FBN3: variants seen among roughly 807,000 people sequenced by gnomAD.
The protein encoded by FBN3 is fibrillin-3.
Under a neutral mutation model 330.1 loss-of-function variants are expected in FBN3, and 234 were observed. The ratio of observed to expected loss-of-function variants is 0.71; its 90% CI spans 0.64 to 0.79. FBN3 has a LOEUF of 0.79. FBN3 is among the 30% of genes least tolerant of loss of function. The pLI is 0.00. For missense variants in FBN3, 3,606 were observed against 3,886.9 expected, an observed-to-expected ratio of 0.93 and a Z score of 1.92; for synonymous variants, 1,458 against 1,517.3, an observed-to-expected ratio of 0.96 and a Z score of 0.91.
At chr19:8,135,936 G>GCTC in intron 13 of FBN3, 25 bp downstream of exon 13, 2 of 668,778 alleles carry the variant, frequency 3.0e-6, no homozygotes, top group Non-Finnish European at 4.8e-6. Flanking sequence ...GGAAGCCCCT[G>GCTC]CCCACCCGCC....
intron 47 of FBN3, 106 bp from the exon 48 acceptor site, chr19:8,091,696 G>GCT: frequency 5.5e-6 from 7 of 1,281,012 alleles, no homozygotes; most frequent in Non-Finnish European, 7.6e-6. Flanking sequence ...GTCCAGCCAG[G>GCT]GGCTGCAGTG....
chr19:8,119,078 G>A (rs1017923852), intron 25 of FBN3, 56 bp from the exon 26 acceptor site: 12 of 1,548,734 alleles, frequency 7.7e-6, no homozygotes, highest in Admixed American at 1.7e-5. Context: ...GCAGGGAGGG[G>A]GTGATGAGGC....
intron 13 of FBN3, 21 bp downstream of exon 13, chr19:8,135,940 A>AC: frequency 1.8e-5 from 3 of 168,324 alleles, no homozygotes; most frequent in South Asian, 3.9e-5. Flanking sequence ...GCCCCTGCCC[A>AC]CCCGCCCACC....
At position 8,136,379 on chromosome 19, in the gene FBN3, G is replaced by A. The variant is rs371210451; in HGVS notation, c.1345+9C>T. The A allele has an allele frequency of 9.2e-5, 148 of 1,611,620 alleles. No homozygotes were observed. Among genetic ancestry groups the A allele is most frequent in the Middle Eastern group, 1.7e-4 (1 of 6,052 alleles). The stretch of plus-strand genomic sequence containing the variant: ...GAACCGCCCCCCCTTCCACCTGGCC[G>A]CGGCTCACCAATGCACTCGCCGCGC... On this transcript the variant is annotated intron_variant, in intron 11 of 63. Coordinates refer to ENST00000600128, the MANE Select transcript of FBN3 (RefSeq NM_032447.5).
At chr19:8,148,525 C>G (rs140206421) in intron 1 of FBN3, among the ~76,000 whole-genome samples, 2 of 152,200 alleles carry the variant, frequency 1.3e-5, no homozygotes, top group Non-Finnish European at 2.9e-5. Context: ...CTCCTGCCCC[C>G]CTTGGCTGGG....
chr19:8,102,766 C>T lies in FBN3; in HGVS notation c.5047G>A (p.Ala1683Thr). ...CAGGCCTCACAGGGTCTATTCCAGG[C>T]CTGGCCAATGTTGTAGGAGCAGCAA... is the stretch of plus-strand genomic sequence containing the variant. ...MCCCSYNIGQAWNRPCEACPT... is the reference protein window; with the variant it reads ...MCCCSYNIGQTWNRPCEACPT... The change falls in exon 40 of 64, where the codon GCC becomes ACC. Residue 1683 changes from alanine (A) to threonine (T), a missense_variant. Ala to Thr is a moderately conservative substitution (Grantham distance 58). Coordinates refer to ENST00000600128, the MANE Select transcript of FBN3 (RefSeq NM_032447.5). 1 of 1,614,064 alleles carries T rather than the reference C, an allele frequency of 6.2e-7. No individual in the cohort carries two copies. The highest frequency in any genetic ancestry group is 8.5e-7 in the Non-Finnish European group (1 of 1,180,036).
chr19:8,069,187 T>C (rs1473210923), intron 63 of FBN3, among the ~76,000 whole-genome samples: 1 of 152,178 alleles, frequency 6.6e-6, no homozygotes, highest in Non-Finnish European at 1.5e-5. Context: ...GCTTCCGCTG[T>C]GCTTCCTGCA....
chr19:8,120,558 G>C (rs1416491518), intron 25 of FBN3, among the ~76,000 whole-genome samples: 1 of 151,844 alleles, frequency 6.6e-6, no homozygotes, highest in Admixed American at 6.6e-5. Flanking sequence ...GTGCGATTAT[G>C]GTTCACTGCA....
rs532031680 is a variant in FBN3 at position 8,089,451 on chromosome 19, A to G, written c.6376+94T>C. ...AGGCAGTGGTTAAGGACAGGATCTC[A>G]CCCACTGCCTGGGGGTGTCTTCCCT... On this transcript the variant is annotated intron_variant, in intron 51 of 63. Transcript: ENST00000600128. 54 of 1,438,880 alleles carry G rather than the reference A, an allele frequency of 3.8e-5. No individual in the cohort carries two copies. In the East Asian group the frequency reaches 1.1e-3, roughly 30 times the overall value. 89.1% of individuals were successfully genotyped at this position (1,438,880 alleles called of 1,614,324 possible). A position where few individuals can be genotyped will look rare whatever the true frequency, so the allele number is the denominator to read the frequency against.
At chr19:8,136,574 C>A (rs1487322610) in intron 10 of FBN3, 43 bp from the exon 11 acceptor site, 1 of 1,608,050 alleles carries the variant, frequency 6.2e-7, no homozygotes, top group Non-Finnish European at 8.5e-7. Context: ...GTGGCTGGCC[C>A]CGCCCCAGTC....
chr19:8,121,361 A>G lies in FBN3; in HGVS notation c.3108T>C (p.Pro1036=), dbSNP rs1157230814. ...CTDIDECRIS[P]DLCGQGTCVN... is the part of the protein sequence containing the mutation. ...CACAGGTGCCCTGGCCGCAGAGGTC[A>G]GGAGAGATGCGACACTCGTCGATAT... Residue 1036 remains proline, a synonymous_variant, in exon 25 of 64, where the codon CCT becomes CCC. Transcript: ENST00000600128. This position sits in a 1 kb window ranked among gnomAD's most constrained non-coding sequence, Gnocchi z 4.5. The G allele has an allele frequency of 3.1e-6, 5 of 1,611,024 alleles. No individual in the cohort carries two copies. In the South Asian group the frequency reaches 5.5e-5, roughly 18 times the overall value.
chr19:8,134,924 AAAATGAAT>A (rs1336731635), intron 13 of FBN3, among the ~76,000 whole-genome samples: 2 of 150,748 alleles, frequency 1.3e-5, no homozygotes, highest in Non-Finnish European at 2.9e-5. Context: ...ATAGAGACTC[AAAATGAAT>A]AAATGAATAA....
chr19:8,066,896 A>G (rs930027150), intron 63 of FBN3, among the ~76,000 whole-genome samples: 2 of 151,978 alleles, frequency 1.3e-5, no homozygotes, highest in Non-Finnish European at 2.9e-5. Context: ...AAATAAATAA[A>G]TAAAAGGAAA....
intron 52 of FBN3, 53 bp downstream of exon 52, chr19:8,088,007 T>G: frequency 2.5e-6 from 4 of 1,613,852 alleles, no homozygotes; most frequent in Non-Finnish European, 3.4e-6. Context: ...CTCCACTCCC[T>G]CCCCCAGGCA....
intron 13 of FBN3, among the ~76,000 whole-genome samples, chr19:8,134,674 C>T (rs886778451): frequency 6.6e-6 from 1 of 152,168 alleles, no homozygotes; most frequent in Admixed American, 6.5e-5. Flanking sequence ...TGGCTCACGC[C>T]TGTAATCTCA....
At chr19:8,132,073 G>T (rs1259955444) in intron 14 of FBN3, among the ~76,000 whole-genome samples, 3 of 151,494 alleles carry the variant, frequency 2.0e-5, no homozygotes, top group Non-Finnish European at 2.9e-5. Flanking sequence ...TTTTTTAAAC[G>T]CAGGGTCTGA....
Position 8,142,022 on chromosome 19 carries a change from G to T in FBN3, c.657C>A (p.Gly219=), listed in dbSNP as rs1214689620. 1 of 1,614,130 alleles carries T rather than the reference G, an allele frequency of 6.2e-7. No individual in the cohort carries two copies. Among genetic ancestry groups the T allele is most frequent in the East Asian group, 2.2e-5 (1 of 44,878 alleles). ...GTGCAGGGCAAAGTTCACATGGAAG[G>T]CCCCAGGCACGGCCCACAGTGGCAC... ...LCCATVGRAW[G]LPCELCPAQP... The change falls in exon 7 of 64, where the codon GGC becomes GGA. Residue 219 remains glycine (G), a synonymous_variant. Transcript: ENST00000600128.
At chr19:8,083,969 A>T (rs1196453345) in intron 56 of FBN3, among the ~76,000 whole-genome samples, 3 of 151,376 alleles carry the variant, frequency 2.0e-5, no homozygotes, top group African/African-American at 7.3e-5. Flanking sequence ...CGCCCGGCTA[A>T]TTTTTTGTAT....
chr19:8,100,004 C>T (rs2082293912), intron 41 of FBN3, among the ~76,000 whole-genome samples: 1 of 148,222 alleles, frequency 6.7e-6, no homozygotes, highest in Non-Finnish European at 1.5e-5. Context: ...GAGAGAAACT[C>T]CATCTCAAAA....
Sources: allele counts gnomAD v4.1 joint callset (sites outside exome capture counted in the v4.1 genomes callset), GRCh38; gene constraint gnomAD v4.1.1; non-coding constraint Gnocchi (gnomAD v3.1); transcripts MANE v1.5; gene names NCBI Gene and HGNC (gene_info 2026-07-23, HGNC 2026-07-21).